Variants in PCDHGA10 observed in about 807,000 individuals in gnomAD.
PCDHGA10 encodes the protein protocadherin gamma-A10.
A neutral mutation model predicts 59.5 loss-of-function variants in PCDHGA10; 42 were observed. That is an observed-to-expected ratio of 0.71 (90% confidence interval 0.55 to 0.91). The LOEUF (loss-of-function observed/expected upper bound fraction) is 0.91, where lower values mean the gene tolerates loss of function less well. Ranked by LOEUF, PCDHGA10 falls within the 40% of genes least tolerant of loss-of-function variation. PCDHGA10 has a pLI of 0.00. For missense variants in PCDHGA10, 1,111 were observed against 1,198.2 expected (o/e 0.93, Z 1.07); for synonymous variants, 511 against 517.2 (o/e 0.99, Z 0.16).
rs779656906 is a variant in PCDHGA10 at position 141,476,872 on chromosome 5, C to T, written c.2437-17935C>T. On this transcript the variant is annotated intron_variant, in intron 1 of 3. Transcript: ENST00000398610. The surrounding 1 kb of genome is among the most constrained non-coding windows in gnomAD (Gnocchi z 7.6). ...TCAACCAGTCCTTGTACCGGGCGCG[C>T]GTCCTGGAGGATGCACCCTCCGGCA... 1.6e-4 allele frequency: 254 copies of T among 1,613,734 alleles called. No individual in the cohort carries two copies. The highest frequency in any genetic ancestry group is 2.1e-4 in the Non-Finnish European group (248 of 1,180,054).
chr5:141,465,021 C>A (rs974818222), intron 1 of PCDHGA10, among the ~76,000 whole-genome samples: 1 of 152,100 alleles, frequency 6.6e-6, no homozygotes, highest in Non-Finnish European at 1.5e-5. Flanking sequence ...AGATTACAGC[C>A]ATGAACCACC....
At chr5:141,452,895 A>G (rs527695680) in intron 1 of PCDHGA10, among the ~76,000 whole-genome samples, 16 of 152,312 alleles carry the variant, frequency 1.1e-4, no homozygotes, top group African/African-American at 3.6e-4. Flanking sequence ...TTCCACTTTT[A>G]TTAGTTGGCA....
intron 2 of PCDHGA10, among the ~76,000 whole-genome samples, chr5:141,502,139 C>T (rs923501238): frequency 6.6e-6 from 1 of 152,104 alleles, no homozygotes; most frequent in African/African-American, 2.4e-5. Flanking sequence ...TCAGTCGGGC[C>T]GGAAGTAAGG....
intron 1 of PCDHGA10, chr5:141,426,340 C>A: frequency 5.3e-6 from 1 of 190,288 alleles, no homozygotes; most frequent in Non-Finnish European, 1.1e-5. Flanking sequence ...AGCACTCTTC[C>A]CTTTCCTGCT....
chr5:141,419,734 G>A, intron 1 of PCDHGA10: 2 of 1,613,792 alleles, frequency 1.2e-6, no homozygotes, highest in Non-Finnish European at 1.7e-6. Context: ...GAACAGGCGA[G>A]GTGCGCATGG....
At chr5:141,447,283 G>T (rs1194678678) in intron 1 of PCDHGA10, among the ~76,000 whole-genome samples, 1 of 152,122 alleles carries the variant, frequency 6.6e-6, no homozygotes, top group East Asian at 1.9e-4. Context: ...GGGACTACAG[G>T]CACATGCCAC....
At chr5:141,468,402 T>A (rs2154569909) in intron 1 of PCDHGA10, 1 of 150,014 alleles carries the variant, frequency 6.7e-6, no homozygotes, top group East Asian at 2.0e-4. Context: ...TGGTGAGAAC[T>A]AATAATAAGT....
Position 141,489,361 on chromosome 5 carries a change from C to A in PCDHGA10, c.2437-5446C>A. ...TTACTCAGTGGTGGAGGAGTCTGAG[C>A]CGGGGACGCTGGTGGGGAATGTTGC... On this transcript the variant is annotated intron_variant, in intron 1 of 3. Transcript: ENST00000398610. This position sits in a 1 kb window ranked among gnomAD's most constrained non-coding sequence, Gnocchi z 4.5. 1 of 1,612,880 alleles carries A rather than the reference C, an allele frequency of 6.2e-7. No individual in the cohort carries two copies. The highest frequency in any genetic ancestry group is 8.5e-7 in the Non-Finnish European group (1 of 1,179,164).
At chr5:141,444,813 T>A (rs1382814369) in intron 1 of PCDHGA10, among the ~76,000 whole-genome samples, 3 of 152,228 alleles carry the variant, frequency 2.0e-5, no homozygotes, top group African/African-American at 4.8e-5. Flanking sequence ...AATAGCACAC[T>A]GTCTCAATTA....
At chr5:141,481,812 C>T (rs2099545604) in intron 1 of PCDHGA10, among the ~76,000 whole-genome samples, 2 of 149,798 alleles carry the variant, frequency 1.3e-5, no homozygotes, top group South Asian at 2.1e-4. Context: ...ATTCACCAGG[C>T]GTGGTGGCTG....
At chr5:141,488,042 G>T (rs2099670966) in intron 1 of PCDHGA10, among the ~76,000 whole-genome samples, 1 of 152,168 alleles carries the variant, frequency 6.6e-6, no homozygotes, top group Non-Finnish European at 1.5e-5. Context: ...TTTCCCAAGG[G>T]ATTGAGGGGA....
intron 1 of PCDHGA10, among the ~76,000 whole-genome samples, chr5:141,455,428 GA>G (rs2098822635): frequency 6.6e-6 from 1 of 152,176 alleles, no homozygotes; most frequent in Non-Finnish European, 1.5e-5. Context: ...GGCTCCAAAA[GA>G]GGAGGTCCCC....
intron 1 of PCDHGA10, 157 bp from the exon 2 acceptor site, chr5:141,494,645 GTGTAT>G: frequency 1.1e-6 from 1 of 935,948 alleles, no homozygotes; most frequent in Non-Finnish European, 1.3e-6. Context: ...GAGACCTGAG[GTGTAT>G]TTTGTCTTTG....
At chr5:141,508,538 G>C (rs1383873129) in intron 3 of PCDHGA10, among the ~76,000 whole-genome samples, 1 of 152,120 alleles carries the variant, frequency 6.6e-6, no homozygotes, top group African/African-American at 2.4e-5. Flanking sequence ...CACCCCCCAC[G>C]AGGTGGGCGG....
chr5:141,418,107 A>C, intron 1 of PCDHGA10: 1 of 1,614,036 alleles, frequency 6.2e-7, no homozygotes, highest in Non-Finnish European at 8.5e-7. Flanking sequence ...CAGAGCGGGG[A>C]CTTACTTGTG....
Position 141,485,298 on chromosome 5 carries a change from G to A in PCDHGA10, c.2437-9509G>A, listed in dbSNP as rs1562104502. 1 of 1,613,978 alleles carries A rather than the reference G, an allele frequency of 6.2e-7. No individual in the cohort carries two copies. On this transcript the variant is annotated intron_variant, in intron 1 of 3. Coordinates refer to ENST00000398610, the MANE Select transcript of PCDHGA10 (RefSeq NM_018913.3). This position sits in a 1 kb window ranked among gnomAD's most constrained non-coding sequence, Gnocchi z 5.7. ...CCGGTCCCAGAGGAGTCACAGGAAG[G>A]GACTTTTGTAGGGAATGTCGCTCAA...
intron 2 of PCDHGA10, among the ~76,000 whole-genome samples, chr5:141,499,496 T>C (rs1167360015): frequency 6.6e-6 from 1 of 152,182 alleles, no homozygotes; most frequent in East Asian, 1.9e-4. Flanking sequence ...CAGTTTAATA[T>C]GAAACATTTC....
chr5:141,427,013 T>A, intron 1 of PCDHGA10: 2 of 456,846 alleles, frequency 4.4e-6, no homozygotes, highest in Non-Finnish European at 8.8e-6. Flanking sequence ...TTAGCCAGGA[T>A]GTATACAAAG....
At chr5:141,430,149 C>T (rs1051033560) in intron 1 of PCDHGA10, among the ~76,000 whole-genome samples, 4 of 151,968 alleles carry the variant, frequency 2.6e-5, no homozygotes, top group African/African-American at 9.7e-5. Flanking sequence ...CAGGATCATT[C>T]AAGGAATCTA....
Sources: gnomAD v4.1 joint callset for allele counts (sites outside exome capture counted in the v4.1 genomes callset) on GRCh38, gnomAD v4.1.1 for gene constraint, Gnocchi (gnomAD v3.1) non-coding constraint, MANE v1.5 for transcripts, NCBI Gene and HGNC (gene_info 2026-07-23, HGNC 2026-07-21) for gene names.